Variants in CACNA2D1 observed in about 807,000 individuals in gnomAD.
CACNA2D1 encodes voltage-dependent calcium channel subunit alpha-2/delta-1.
In CACNA2D1, 53 loss-of-function variants were observed where a neutral mutation model predicts 171.5. The ratio of observed to expected loss-of-function variants is 0.31; its 90% CI spans 0.25 to 0.39. The LOEUF is 0.39. Ranked by LOEUF, CACNA2D1 falls within the 10% of genes least tolerant of loss-of-function variation. CACNA2D1 has a pLI of 1.00. For missense variants in CACNA2D1, 903 were observed against 1,299.8 expected (o/e 0.69, Z 4.69); for synonymous variants, 442 against 443.1 (o/e 1.00, Z 0.03).
At position 82,272,444 on chromosome 7, in the gene CACNA2D1, C is replaced by T. The variant is rs539918849; in HGVS notation, c.294+62691G>A. ...GTGGTCGGCTGGATACAGCAACTCA[C>T]TTCTCACAAATAGCATAAAGTAGAA... On this transcript the variant is annotated intron_variant, in intron 3 of 38. Transcript: ENST00000356860. Among the ~76,000 whole-genome samples the T allele has an allele frequency of 1.4e-4, 21 of 152,298 alleles. No individual in the cohort carries two copies. The South Asian group carries it at 3.9e-3, about 29-fold the overall frequency.
intron 13 of CACNA2D1, among the ~76,000 whole-genome samples, chr7:82,014,006 T>C (rs1046914436): frequency 1.3e-5 from 2 of 151,978 alleles, no homozygotes; most frequent in African/African-American, 4.8e-5. Context: ...CTGGAATGTA[T>C]AAGGTAATAT....
chr7:82,066,262 C>T (rs190593845), intron 8 of CACNA2D1, among the ~76,000 whole-genome samples, 193 bp downstream of exon 8: 5 of 152,080 alleles, frequency 3.3e-5, no homozygotes. Context: ...ATGGGTTCAC[C>T]TATATTAATT....
chr7:82,441,164 C>T (rs773858694), intron 1 of CACNA2D1, among the ~76,000 whole-genome samples: 7 of 151,996 alleles, frequency 4.6e-5, no homozygotes, highest in Non-Finnish European at 8.8e-5. Flanking sequence ...GCAAATGGCA[C>T]ATCTTTATGA....
chr7:82,324,864 TAAAGA>T (rs150128381), intron 3 of CACNA2D1, among the ~76,000 whole-genome samples: 5,690 of 152,192 alleles, frequency 0.037, 154 homozygotes, highest in Middle Eastern at 0.082. Context: ...TTTAACCACC[TAAAGA>T]AAACAGTAAA....
chr7:82,062,673 T>C (rs1225467231), intron 9 of CACNA2D1, among the ~76,000 whole-genome samples: 1 of 150,790 alleles, frequency 6.6e-6, no homozygotes, highest in African/African-American at 2.4e-5. Context: ...TACGTATACA[T>C]GTGCCATGTT....
At chr7:82,146,706 G>T (rs1793160979) in intron 4 of CACNA2D1, among the ~76,000 whole-genome samples, 1 of 150,848 alleles carries the variant, frequency 6.6e-6, no homozygotes, top group African/African-American at 2.4e-5. Context: ...TACAAATTCG[G>T]CCAGGCGCCT....
At chr7:82,354,276 T>C (rs1672789704) in intron 1 of CACNA2D1, among the ~76,000 whole-genome samples, 1 of 152,172 alleles carries the variant, frequency 6.6e-6, no homozygotes, top group African/African-American at 2.4e-5. Context: ...TCTTTTATTT[T>C]ATAGGAGATC....
intron 3 of CACNA2D1, among the ~76,000 whole-genome samples, chr7:82,179,776 T>C (rs908365108): frequency 5.3e-5 from 8 of 152,100 alleles, no homozygotes; most frequent in South Asian, 2.1e-4. Flanking sequence ...TCATTTTGTA[T>C]TATAAGGGGT....
At chr7:82,116,856 G>A (rs1490571429) in intron 6 of CACNA2D1, among the ~76,000 whole-genome samples, 188 bp downstream of exon 6, 1 of 151,936 alleles carries the variant, frequency 6.6e-6, no homozygotes, top group East Asian at 1.9e-4. Flanking sequence ...GTTTAGTGAG[G>A]GTATACTCAC....
chr7:82,313,257 G>C (rs1016164142), intron 3 of CACNA2D1, among the ~76,000 whole-genome samples: 1 of 152,098 alleles, frequency 6.6e-6, no homozygotes, highest in Non-Finnish European at 1.5e-5. Flanking sequence ...TTTCAAGTGG[G>C]AGACTAAAGG....
At chr7:82,267,716 TG>T (rs1340857467) in intron 3 of CACNA2D1, among the ~76,000 whole-genome samples, 7 of 152,136 alleles carry the variant, frequency 4.6e-5, no homozygotes, top group African/African-American at 7.2e-5. Context: ...CAAACTCGGC[TG>T]GGTGTGGTGG....
chr7:82,057,128 A>G (rs894433084), intron 10 of CACNA2D1, among the ~76,000 whole-genome samples: 2 of 152,178 alleles, frequency 1.3e-5, no homozygotes, highest in Non-Finnish European at 2.9e-5. Flanking sequence ...GTAACTGCTA[A>G]TAATAATTTT....
intron 1 of CACNA2D1, among the ~76,000 whole-genome samples, chr7:82,395,846 T>C (rs776554661): frequency 5.9e-5 from 9 of 152,200 alleles, no homozygotes; most frequent in South Asian, 2.1e-4. Flanking sequence ...AGACTGCTCA[T>C]TTAACTACTT....
chr7:82,353,541 AC>A (rs1041207260), intron 1 of CACNA2D1, among the ~76,000 whole-genome samples: 2 of 152,126 alleles, frequency 1.3e-5, no homozygotes, highest in African/African-American at 2.4e-5. Flanking sequence ...AGGAGAGTGT[AC>A]AGCGAAAGGA....
intron 3 of CACNA2D1, among the ~76,000 whole-genome samples, chr7:82,279,745 AT>A (rs1809833895): frequency 6.6e-6 from 1 of 152,172 alleles, no homozygotes; most frequent in African/African-American, 2.4e-5. Flanking sequence ...TGTTGTTAAG[AT>A]TTGAAAAAAT....
chr7:82,420,045 G>A (rs531937486), intron 1 of CACNA2D1, among the ~76,000 whole-genome samples: 2 of 152,246 alleles, frequency 1.3e-5, no homozygotes, highest in African/African-American at 4.8e-5. Flanking sequence ...AGAACTGTCT[G>A]ATCCAAAATG....
At chr7:82,235,363 T>C (rs533504076) in intron 3 of CACNA2D1, among the ~76,000 whole-genome samples, 1 of 152,272 alleles carries the variant, frequency 6.6e-6, no homozygotes, top group East Asian at 1.9e-4. Context: ...GTTAATACTT[T>C]AGTGCCTTCA....
intron 1 of CACNA2D1, among the ~76,000 whole-genome samples, chr7:82,417,089 GATAA>G (rs1286375418): frequency 2.0e-5 from 3 of 152,108 alleles, no homozygotes; most frequent in Admixed American, 6.5e-5. Context: ...TATAGAAGTT[GATAA>G]ATATATAGTT....
intron 1 of CACNA2D1, among the ~76,000 whole-genome samples, chr7:82,354,072 C>G (rs1022787848): frequency 2.0e-5 from 3 of 151,968 alleles, no homozygotes; most frequent in Admixed American, 6.6e-5. Context: ...TGCCCTATAC[C>G]AAAGGGAAGG....
Sources: allele counts gnomAD v4.1 joint callset (sites outside exome capture counted in the v4.1 genomes callset), GRCh38; gene constraint gnomAD v4.1.1; transcripts MANE v1.5; gene names NCBI Gene and HGNC (gene_info 2026-07-23, HGNC 2026-07-21).